Variants in GARS1 observed in about 807,000 individuals in gnomAD.
GARS1 encodes glycyl-tRNA synthetase 1.
In GARS1, 46 loss-of-function variants were observed where a neutral mutation model predicts 86.4. The observed-to-expected ratio is 0.53, with a 90% CI of 0.42 to 0.68. The LOEUF (loss-of-function observed/expected upper bound fraction) is 0.68, where lower values mean the gene tolerates loss of function less well. Among genes scored for constraint, GARS1 ranks in the 30% least tolerant of loss-of-function variants. The pLI is 0.00. For missense variants in GARS1, 797 were observed against 915.6 expected (o/e 0.87, Z 1.67); for synonymous variants, 342 against 329.8 (o/e 1.04, Z -0.40).
chr7:30,599,771 T>C (rs1430839640), intron 2 of GARS1, among the ~76,000 whole-genome samples, 176 bp from the exon 3 acceptor site: 1 of 152,242 alleles, frequency 6.6e-6, no homozygotes, highest in East Asian at 1.9e-4. Flanking sequence ...ATATCTTTTA[T>C]ATTACTCAAA....
intron 13 of GARS1, chr7:30,627,287 G>A (rs1783147904): frequency 8.8e-6 from 2 of 227,572 alleles, no homozygotes; most frequent in South Asian, 9.7e-5. Flanking sequence ...CACACTCTGG[G>A]GCTTTTCCGT....
chr7:30,600,172 G>A, intron 3 of GARS1, 123 bp downstream of exon 3: 7 of 756,686 alleles, frequency 9.3e-6, no homozygotes, highest in Admixed American at 2.1e-5. Flanking sequence ...GAGGATGGAT[G>A]TTTTGCTTTT....
chr7:30,629,924 T>G (rs181127344), intron 14 of GARS1, among the ~76,000 whole-genome samples: 21 of 152,380 alleles, frequency 1.4e-4, no homozygotes, highest in Middle Eastern at 3.4e-3. Context: ...AGAAAATCTT[T>G]TAGCTGTTCC....
chr7:30,609,554 T>C, intron 6 of GARS1, 31 bp from the exon 7 acceptor site: 1 of 1,598,168 alleles, frequency 6.3e-7, no homozygotes, highest in Non-Finnish European at 8.6e-7. Flanking sequence ...TTTCTCTGTC[T>C]TTTACACTAA....
At chr7:30,627,007 C>T (rs1303938437) in intron 13 of GARS1, 1 of 433,310 alleles carries the variant, frequency 2.3e-6, no homozygotes, top group African/African-American at 2.1e-5. Context: ...GTAATTTAGA[C>T]CAGTGATGTT....
At chr7:30,618,942 G>A (rs1488277074) in intron 10 of GARS1, among the ~76,000 whole-genome samples, 3 of 151,922 alleles carry the variant, frequency 2.0e-5, no homozygotes, top group Non-Finnish European at 2.9e-5. Context: ...AGATTTTCTG[G>A]GACTTCTTTT....
At chr7:30,595,357 T>G (rs1159424819) in intron 1 of GARS1, among the ~76,000 whole-genome samples, 1 of 152,312 alleles carries the variant, frequency 6.6e-6, no homozygotes, top group East Asian at 1.9e-4. Context: ...TCCTCCTCTC[T>G]TTTTGGATGA....
chr7:30,607,346 A>G (rs1352833156), intron 6 of GARS1, among the ~76,000 whole-genome samples: 2 of 152,244 alleles, frequency 1.3e-5, no homozygotes, highest in Non-Finnish European at 2.9e-5. Flanking sequence ...GCACATATAT[A>G]CCATGGAATA....
At chr7:30,630,018 T>G (rs879844271) in intron 14 of GARS1, among the ~76,000 whole-genome samples, 5 of 152,252 alleles carry the variant, frequency 3.3e-5, no homozygotes, top group African/African-American at 7.2e-5. Flanking sequence ...TCACAGTGTT[T>G]TATGAATTGC....
chr7:30,624,613 GAAAA>G (rs1023588721), intron 12 of GARS1, among the ~76,000 whole-genome samples: 9 of 150,516 alleles, frequency 6.0e-5, no homozygotes, highest in African/African-American at 1.7e-4. Flanking sequence ...CAATCACCTG[GAAAA>G]AAAACACACA....
In GARS1 at chr7:30,612,158, A is replaced by G; in HGVS notation, c.944A>G (p.Asn315Ser). The G allele has an allele frequency of 6.2e-7, 1 of 1,614,138 alleles. No individual in the cohort carries two copies. Among genetic ancestry groups the G allele is most frequent in the Non-Finnish European group, 8.5e-7 (1 of 1,179,990 alleles). Residue 315 changes from asparagine (N) to serine (S), a missense_variant, in exon 8 of 17, where the codon AAC (asparagine) becomes AGC (serine). Coordinates refer to ENST00000389266, the MANE Select transcript of GARS1 (RefSeq NM_002047.4). ...AATTTCAAACGACTTTTGGAGTTCA[A>G]CCAAGGAAAGTTGCCTTTTGCTGCT... ...FLNFKRLLEF[N>S]QGKLPFAAAQ...
intron 14 of GARS1, among the ~76,000 whole-genome samples, chr7:30,630,238 T>A (rs1783209271): frequency 6.6e-6 from 1 of 152,236 alleles, no homozygotes; most frequent in African/African-American, 2.4e-5. Flanking sequence ...AGGAAGGGAA[T>A]AGAATTCTGA....
chr7:30,601,305 C>A (rs1163978597), intron 4 of GARS1, 105 bp downstream of exon 4: 3 of 1,017,496 alleles, frequency 2.9e-6, no homozygotes, highest in Middle Eastern at 3.2e-4. Flanking sequence ...AAGAACTACT[C>A]ATTTCATGTA....
chr7:30,613,334 A>G lies in GARS1; in HGVS notation c.1031+1089A>G, dbSNP rs142904327. 2.5e-3 allele frequency among the ~76,000 whole-genome samples: 388 copies of G among 152,282 alleles called. 3 individuals are homozygous for G. Among genetic ancestry groups the G allele is most frequent in the African/African-American group, 9.0e-3 (372 of 41,548 alleles). ...ATGTAAAAAGAGGAGGTCATCAGAA[A>G]CTTTAGCCAGGTATGATGGCAATGA... On this transcript the variant is annotated intron_variant, in intron 8 of 16. Transcript: ENST00000389266.
intron 11 of GARS1, 113 bp from the exon 12 acceptor site, chr7:30,622,204 G>A (rs1456475480): frequency 8.1e-7 from 1 of 1,234,154 alleles, no homozygotes; most frequent in East Asian, 2.4e-5. Context: ...ACAGGATCTG[G>A]AGTACTGATA....
At chr7:30,620,575 C>G (rs1361293854) in intron 10 of GARS1, among the ~76,000 whole-genome samples, 1 of 152,198 alleles carries the variant, frequency 6.6e-6, no homozygotes, top group Admixed American at 6.5e-5. Flanking sequence ...GCATTCAATT[C>G]ATTGCAGGTT....
chr7:30,599,070 T>C (rs1426236281), intron 2 of GARS1, among the ~76,000 whole-genome samples, 173 bp downstream of exon 2: 1 of 152,170 alleles, frequency 6.6e-6, no homozygotes, highest in Admixed American at 6.5e-5. Flanking sequence ...CCTCATCCTT[T>C]CAAAATGCAA....
At chr7:30,603,842 A>G (rs568524487) in intron 6 of GARS1, among the ~76,000 whole-genome samples, 1 of 152,338 alleles carries the variant, frequency 6.6e-6, no homozygotes, top group South Asian at 2.1e-4. Flanking sequence ...TGGATTTAAT[A>G]GCTAAAACCA....
At chr7:30,629,477 A>G (rs949321764) in intron 14 of GARS1, among the ~76,000 whole-genome samples, 1 of 152,168 alleles carries the variant, frequency 6.6e-6, no homozygotes, top group Non-Finnish European at 1.5e-5. Flanking sequence ...AAAGCCAACC[A>G]GAAGAATGGC....
Sources: gnomAD v4.1 joint callset for allele counts (sites outside exome capture counted in the v4.1 genomes callset) on GRCh38, gnomAD v4.1.1 for gene constraint, MANE v1.5 for transcripts, NCBI Gene and HGNC (gene_info 2026-07-23, HGNC 2026-07-21) for gene names.